Variants in HRH1 observed in about 807,000 individuals in gnomAD.
HRH1 encodes histamine receptor H1.
HRH1 carries 6 observed loss-of-function variants against 10.3 expected under a neutral mutation model. The observed-to-expected ratio is 0.58, with a 90% CI of 0.32 to 1.15. HRH1 has a LOEUF of 1.15. HRH1 is among the 50% of genes most tolerant of loss of function. The pLI is 0.05. For synonymous variants in HRH1, 242 were observed against 236.7 expected (o/e 1.02, Z -0.21); for missense variants, 514 against 615.3 (o/e 0.84, Z 1.74).
At chr3:11,178,858 C>T (rs546962175) in intron 1 of HRH1, among the ~76,000 whole-genome samples, 5 of 152,302 alleles carry the variant, frequency 3.3e-5, no homozygotes, top group Admixed American at 3.3e-4. Flanking sequence ...ATCACTTCAC[C>T]TCTCGGAGTC....
chr3:11,137,643 G>A (rs1337740083), intron 1 of HRH1, among the ~76,000 whole-genome samples: 1 of 152,094 alleles, frequency 6.6e-6, no homozygotes, highest in Non-Finnish European at 1.5e-5. Context: ...TGGAGTGATG[G>A]GGGAGGAGTC....
chr3:11,152,804 G>A (rs140926246), upstream of HRH1, among the ~76,000 whole-genome samples: 564 of 152,166 alleles, frequency 3.7e-3, 3 homozygotes, highest in Non-Finnish European at 6.4e-3. Flanking sequence ...CAGGGAGTGG[G>A]AGAGGGCTTT....
chr3:11,232,001 T>A (rs1224326225), intron 1 of HRH1, among the ~76,000 whole-genome samples: 1 of 151,992 alleles, frequency 6.6e-6, no homozygotes, highest in East Asian at 1.9e-4. Context: ...TTAATTTTTT[T>A]TTTTTTTTTT....
chr3:11,233,558 G>GT (rs1287111788), intron 1 of HRH1, among the ~76,000 whole-genome samples: 1 of 152,136 alleles, frequency 6.6e-6, no homozygotes, highest in Admixed American at 6.5e-5. Flanking sequence ...CTGAGAGCCT[G>GT]TGTGAACATG....
chr3:11,223,722 C>T (rs115884138), intron 1 of HRH1, among the ~76,000 whole-genome samples: 2,322 of 152,270 alleles, frequency 0.015, 60 homozygotes, highest in African/African-American at 0.052. Context: ...CCAGTAGTTG[C>T]GCTACCAAGA....
chr3:11,161,260 C>G (rs112412217), intron 1 of HRH1, among the ~76,000 whole-genome samples: 10 of 152,248 alleles, frequency 6.6e-5, no homozygotes, highest in African/African-American at 2.4e-4. Context: ...TAATAGCTAA[C>G]AGAGGCATCT....
intron 1 of HRH1, among the ~76,000 whole-genome samples, chr3:11,246,764 C>T (rs371767239): frequency 1.3e-4 from 20 of 152,178 alleles, no homozygotes; most frequent in East Asian, 9.6e-4. Flanking sequence ...CAAATCATGG[C>T]TGGGCACGGT....
chr3:11,246,013 CAT>C (rs1939473086), intron 1 of HRH1, among the ~76,000 whole-genome samples: 1 of 129,584 alleles, frequency 7.7e-6, no homozygotes. Context: ...CACATACACA[CAT>C]ACACTCACAC....
Position 11,260,359 on chromosome 3 carries a change from G to T in HRH1, c.1322G>T (p.Cys441Phe). ...ATCTTCTTCATGGTCATTGCCTTCT[G>T]CAAGAACTGTTGCAATGAACATTTG... ...YFIFFMVIAFCKNCCNEHLHM... is the reference protein window; with the variant it reads ...YFIFFMVIAFFKNCCNEHLHM... The change falls in exon 2 of 2, where the codon TGC becomes TTC. Residue 441 changes from cysteine (C) to phenylalanine (F), a missense_variant. Cys to Phe is a radical substitution (Grantham distance 205). Transcript: ENST00000431010. The T allele has an allele frequency of 6.2e-7, 1 of 1,614,174 alleles. No individual in the cohort carries two copies. Among genetic ancestry groups the T allele is most frequent in the Non-Finnish European group, 8.5e-7 (1 of 1,180,032 alleles).
intron 1 of HRH1, among the ~76,000 whole-genome samples, chr3:11,146,155 T>G (rs911394051): frequency 1.3e-5 from 2 of 152,242 alleles, no homozygotes; most frequent in African/African-American, 2.4e-5. Flanking sequence ...GGTATCATTT[T>G]GCATTCCCAT....
At chr3:11,145,730 G>A (rs566165128) in intron 1 of HRH1, among the ~76,000 whole-genome samples, 1 of 148,648 alleles carries the variant, frequency 6.7e-6, no homozygotes, top group South Asian at 2.2e-4. Flanking sequence ...TCCCTTCTCA[G>A]TCAGTAACAG....
intron 1 of HRH1, among the ~76,000 whole-genome samples, chr3:11,195,901 T>A (rs1272527839): frequency 1.3e-5 from 2 of 152,216 alleles, no homozygotes; most frequent in South Asian, 2.1e-4. Flanking sequence ...GCAGACTGTC[T>A]GTCACTGTTT....
intron 1 of HRH1, among the ~76,000 whole-genome samples, chr3:11,252,514 G>T (rs779299779): frequency 6.6e-6 from 1 of 152,144 alleles, no homozygotes; most frequent in African/African-American, 2.4e-5. Flanking sequence ...GGGTAAGACT[G>T]TCCATCAGTA....
intron 1 of HRH1, among the ~76,000 whole-genome samples, chr3:11,148,038 G>A (rs1175375388): frequency 6.6e-6 from 1 of 151,990 alleles, no homozygotes; most frequent in Non-Finnish European, 1.5e-5. Context: ...AAATTAGCTG[G>A]GCATGGTGGT....
intron 1 of HRH1, among the ~76,000 whole-genome samples, chr3:11,255,002 G>C (rs1939747987): frequency 6.6e-6 from 1 of 152,178 alleles, no homozygotes; most frequent in Non-Finnish European, 1.5e-5. Context: ...GAAGGAAGAG[G>C]AACTATCCGT....
intron 1 of HRH1, among the ~76,000 whole-genome samples, chr3:11,145,958 C>T (rs1936432603): frequency 6.6e-6 from 1 of 152,148 alleles, no homozygotes; most frequent in South Asian, 2.1e-4. Context: ...TTTATTCAGG[C>T]TTCTATTGGT....
intron 1 of HRH1, among the ~76,000 whole-genome samples, chr3:11,237,206 CGTTT>C (rs1293903862): frequency 1.1e-4 from 17 of 152,188 alleles, no homozygotes; most frequent in Non-Finnish European, 2.1e-4. Context: ...TTATTTAAAG[CGTTT>C]GTTTATTTTC....
intron 1 of HRH1, among the ~76,000 whole-genome samples, chr3:11,199,011 C>T (rs1166079156): frequency 6.6e-6 from 1 of 151,866 alleles, no homozygotes; most frequent in Non-Finnish European, 1.5e-5. Flanking sequence ...GCAGCCTCTG[C>T]CCCCCAGGTT....
chr3:11,240,915 T>C (rs1030803862), intron 1 of HRH1, among the ~76,000 whole-genome samples: 1 of 152,204 alleles, frequency 6.6e-6, no homozygotes, highest in Non-Finnish European at 1.5e-5. Context: ...ATGAAGAGGA[T>C]AGAGAAGTTT....
Sources: allele counts gnomAD v4.1 joint callset (sites outside exome capture counted in the v4.1 genomes callset), GRCh38; gene constraint gnomAD v4.1.1; transcripts MANE v1.5; gene names NCBI Gene and HGNC (gene_info 2026-07-23, HGNC 2026-07-21).